TBC1D22A: variants seen among roughly 807,000 people sequenced by gnomAD.
The protein encoded by TBC1D22A is TBC1 domain family member 22A, also known as putative GTPase activator.
Under a neutral mutation model 60.2 loss-of-function variants are expected in TBC1D22A, and 38 were observed. The observed-to-expected ratio is 0.63, with a 90% CI of 0.49 to 0.83. The LOEUF is 0.83. Among genes scored for constraint, TBC1D22A ranks in the 40% least tolerant of loss-of-function variants. The probability of loss-of-function intolerance (pLI) is 0.00; values close to 1 mark genes in which losing one functional copy is unlikely to be tolerated. For missense variants in TBC1D22A, 628 were observed against 701.0 expected (o/e 0.90, Z 1.18); for synonymous variants, 302 against 281.7 (o/e 1.07, Z -0.72).
At chr22:46,908,337 G>A (rs933552853) in intron 7 of TBC1D22A, among the ~76,000 whole-genome samples, 2 of 152,170 alleles carry the variant, frequency 1.3e-5, no homozygotes, top group Admixed American at 6.5e-5. Flanking sequence ...CTGAGGGGCG[G>A]ACCTCAGGAG....
At chr22:46,906,103 T>C (rs1417217644) in intron 7 of TBC1D22A, among the ~76,000 whole-genome samples, 1 of 152,142 alleles carries the variant, frequency 6.6e-6, no homozygotes, top group Non-Finnish European at 1.5e-5. Context: ...GGTGGAGCCA[T>C]CTTGGTTCTT....
At chr22:46,956,132 G>A (rs1254108610) in intron 8 of TBC1D22A, among the ~76,000 whole-genome samples, 2 of 152,160 alleles carry the variant, frequency 1.3e-5, no homozygotes, top group Non-Finnish European at 2.9e-5. Context: ...GTGTGTGAAT[G>A]TTAGGGGGCT....
At chr22:46,774,057 G>T (rs1322398943) in intron 1 of TBC1D22A, 6 of 985,518 alleles carry the variant, frequency 6.1e-6, no homozygotes, top group Non-Finnish European at 7.2e-6. Context: ...CTGTGGGCTG[G>T]CTTGGGTGGA....
At chr22:46,846,901 A>G (rs1358708880) in intron 4 of TBC1D22A, among the ~76,000 whole-genome samples, 2 of 152,192 alleles carry the variant, frequency 1.3e-5, no homozygotes, top group Admixed American at 6.5e-5. Context: ...GTACGTCAGT[A>G]TACATTCCAC....
At chr22:47,090,758 A>T (rs1254713375) in intron 11 of TBC1D22A, among the ~76,000 whole-genome samples, 3 of 146,114 alleles carry the variant, frequency 2.1e-5, no homozygotes, top group African/African-American at 7.7e-5. Context: ...CTGCTTGTTG[A>T]TAGAGACGGG....
At chr22:46,963,807 T>C (rs575423545) in intron 8 of TBC1D22A, among the ~76,000 whole-genome samples, 1 of 152,258 alleles carries the variant, frequency 6.6e-6, no homozygotes, top group African/African-American at 2.4e-5. Context: ...GCTGGTGCCG[T>C]GGGCAAGCTT....
chr22:47,024,814 G>A (rs966673483), intron 10 of TBC1D22A, among the ~76,000 whole-genome samples: 2 of 152,106 alleles, frequency 1.3e-5, no homozygotes, highest in Admixed American at 6.6e-5. Context: ...CCATGATCAC[G>A]CTGCAGCCTG....
intron 11 of TBC1D22A, among the ~76,000 whole-genome samples, chr22:47,078,759 T>A (rs911459586): frequency 3.9e-5 from 6 of 152,258 alleles, no homozygotes; most frequent in African/African-American, 1.4e-4. Context: ...AGGCAGCCTC[T>A]TCCATTATTA....
chr22:46,936,126 G>C (rs923810056), intron 8 of TBC1D22A, among the ~76,000 whole-genome samples: 1 of 152,242 alleles, frequency 6.6e-6, no homozygotes, highest in African/African-American at 2.4e-5. Context: ...GTGCCAGAGG[G>C]TGCCGGGCAT....
chr22:46,915,428 A>G (rs1002879984), intron 8 of TBC1D22A: 1 of 456,390 alleles, frequency 2.2e-6, no homozygotes, highest in African/African-American at 2.0e-5. Flanking sequence ...TGTGGTTTCG[A>G]CACCTGAGCA....
chr22:47,124,619 C>G lies in TBC1D22A; in HGVS notation c.1425+13016C>G, dbSNP rs562977063. On this transcript the variant is annotated intron_variant, in intron 12 of 12. Transcript: ENST00000337137. ...AATCAGCTGGGCACGGGGTGCTGCC[C>G]TCTCAGCCACAGGTGGCACCGAGGG... is the stretch of plus-strand genomic sequence containing the variant. Among the ~76,000 whole-genome samples the G allele has an allele frequency of 9.2e-5, 14 of 152,366 alleles. No homozygotes were observed. The South Asian group carries it at 2.7e-3, about 29-fold the overall frequency.
At chr22:46,927,823 A>G (rs1014044611) in intron 8 of TBC1D22A, among the ~76,000 whole-genome samples, 1 of 152,206 alleles carries the variant, frequency 6.6e-6, no homozygotes, top group Non-Finnish European at 1.5e-5. Flanking sequence ...AGGAAAATCC[A>G]CTTACATCAG....
At chr22:47,050,923 G>A (rs767310291) in intron 11 of TBC1D22A, among the ~76,000 whole-genome samples, 4 of 152,128 alleles carry the variant, frequency 2.6e-5, no homozygotes, top group Admixed American at 6.5e-5. Flanking sequence ...TGAGGAGGGC[G>A]GCCACACCAA....
chr22:47,152,961 GA>G (rs945471753), intron 12 of TBC1D22A, among the ~76,000 whole-genome samples: 16 of 149,972 alleles, frequency 1.1e-4, no homozygotes, highest in South Asian at 4.2e-4. Flanking sequence ...ACAAGAAAAG[GA>G]AAAAAAAAAT....
chr22:46,784,866 C>T (rs192516432), intron 1 of TBC1D22A, among the ~76,000 whole-genome samples: 1 of 152,162 alleles, frequency 6.6e-6, no homozygotes, highest in Non-Finnish European at 1.5e-5. Flanking sequence ...GTTCTTATTC[C>T]CATTTCCAGG....
intron 4 of TBC1D22A, among the ~76,000 whole-genome samples, chr22:46,860,790 G>A (rs1301995782): frequency 6.6e-6 from 1 of 152,200 alleles, no homozygotes; most frequent in African/African-American, 2.4e-5. Flanking sequence ...GTCTCCTGGA[G>A]CAGTGAGCAG....
At chr22:47,055,079 G>A (rs1357842525) in intron 11 of TBC1D22A, among the ~76,000 whole-genome samples, 1 of 152,230 alleles carries the variant, frequency 6.6e-6, no homozygotes, top group Non-Finnish European at 1.5e-5. Context: ...GGTCTCGAGG[G>A]CACTGGCAGG....
At chr22:46,966,121 C>T (rs2073791029) in intron 8 of TBC1D22A, among the ~76,000 whole-genome samples, 2 of 152,344 alleles carry the variant, frequency 1.3e-5, no homozygotes. Context: ...CAAGCTCTTC[C>T]TCCTCTTTCC....
Position 47,009,722 on chromosome 22 carries a change from A to T in TBC1D22A, c.1201+12013A>T. 6.6e-6 allele frequency among the ~76,000 whole-genome samples: 1 copy of T among 152,152 alleles called. No individual in the cohort carries two copies. The highest frequency in any genetic ancestry group is 1.9e-4 in the East Asian group (1 of 5,190). The stretch of plus-strand genomic sequence containing the variant: ...CACCACCACCATCATCATCACTATC[A>T]CCATCATTTCCTCACCATCATCACC... On this transcript the variant is annotated intron_variant, in intron 10 of 12. Transcript: ENST00000337137. This position sits in a 1 kb window ranked among gnomAD's most constrained non-coding sequence, Gnocchi z 5.8.
Sources: gnomAD v4.1 joint callset for allele counts (sites outside exome capture counted in the v4.1 genomes callset) on GRCh38, gnomAD v4.1.1 for gene constraint, Gnocchi (gnomAD v3.1) non-coding constraint, MANE v1.5 for transcripts, NCBI Gene and HGNC (gene_info 2026-07-23, HGNC 2026-07-21) for gene names.